DCK: variants seen among roughly 807,000 people sequenced by gnomAD.
The protein encoded by DCK is deoxycytidine kinase.
In DCK, 23 loss-of-function variants were observed where a neutral mutation model predicts 38.3. That is an observed-to-expected ratio of 0.60 (90% confidence interval 0.43 to 0.85). The LOEUF is 0.85. DCK is among the 40% of genes least tolerant of loss of function. DCK has a pLI of 0.00. For synonymous variants in DCK, 108 were observed against 100.6 expected (o/e 1.07, Z -0.44); for missense variants, 259 against 304.4 (o/e 0.85, Z 1.11).
rs1264308356 is a variant in DCK, at chr4:71,030,053, G to C, written c.*675G>C. ...TTTGCTTTGTAGTTTGCTTTGCTTT[G>C]TAGGGTTCTGCTTTTAAGTTTTTCT... On this transcript the variant is annotated 3_prime_UTR_variant, in exon 7 of 7. Coordinates refer to ENST00000286648, the MANE Select transcript of DCK (RefSeq NM_000788.3). The C allele has an allele frequency of 2.6e-5, 4 of 152,506 alleles. No homozygotes were observed. Among genetic ancestry groups the C allele is most frequent in the African/African-American group, 9.7e-5 (4 of 41,400 alleles). The allele number at this position is 152,506 out of a possible 1,614,324, so 9.4% of individuals were successfully genotyped here.
intron 2 of DCK, among the ~76,000 whole-genome samples, chr4:71,015,519 A>C (rs922205874): frequency 6.6e-6 from 1 of 152,240 alleles, no homozygotes; most frequent in Non-Finnish European, 1.5e-5. Flanking sequence ...ATGAACATCG[A>C]TGCAAAAATC....
Position 70,997,290 on chromosome 4 carries a change from C to T in DCK, c.92-777C>T, listed in dbSNP as rs142189814. Among the ~76,000 whole-genome samples, 251 of 152,262 alleles carry T rather than the reference C, an allele frequency of 1.6e-3. 3 individuals are homozygous for T. The highest frequency in any genetic ancestry group is 1.1e-3 in the Non-Finnish European group (72 of 68,020). On this transcript the variant is annotated intron_variant, in intron 1 of 6. Transcript: ENST00000286648. ...TTCTTTCTATATGCTTTCACTTCCA[C>T]TTAACATTCTTCTAAATGCTGTACA...
At chr4:71,028,675 C>A (rs771254483) in intron 6 of DCK, 5 of 444,272 alleles carry the variant, frequency 1.1e-5, no homozygotes, top group Non-Finnish European at 2.2e-5. Context: ...GGCTCACTGC[C>A]ATCTCCACCT....
At chr4:71,010,166 C>T (rs1285724169) in intron 2 of DCK, among the ~76,000 whole-genome samples, 3 of 135,336 alleles carry the variant, frequency 2.2e-5, no homozygotes, top group East Asian at 4.3e-4. Flanking sequence ...GCTGTTTTAG[C>T]TTTTTTTTTT....
intron 1 of DCK, among the ~76,000 whole-genome samples, chr4:70,994,358 T>C (rs1022829683): frequency 3.9e-5 from 6 of 152,216 alleles, no homozygotes; most frequent in Non-Finnish European, 7.3e-5. Context: ...CCTTAGAAAG[T>C]TCCTACCTGC....
At chr4:71,028,354 G>A (rs1740593311) in intron 6 of DCK, among the ~76,000 whole-genome samples, 1 of 152,168 alleles carries the variant, frequency 6.6e-6, no homozygotes, top group Admixed American at 6.5e-5. Flanking sequence ...CACTTTGGGA[G>A]GCTGAGGTGG....
intron 2 of DCK, among the ~76,000 whole-genome samples, chr4:71,013,968 T>C (rs1306307254): frequency 1.3e-5 from 2 of 151,980 alleles, no homozygotes; most frequent in Non-Finnish European, 2.9e-5. Context: ...GACTGGAAAA[T>C]TGGATAATTG....
At chr4:70,996,307 G>A (rs1739658367) in intron 1 of DCK, among the ~76,000 whole-genome samples, 1 of 152,102 alleles carries the variant, frequency 6.6e-6, no homozygotes, top group Non-Finnish European at 1.5e-5. Context: ...AGGCTGCCGT[G>A]AGCTGTGGTT....
chr4:71,022,699 A>G (rs1020761510), intron 3 of DCK, 139 bp downstream of exon 3: 10 of 473,074 alleles, frequency 2.1e-5, no homozygotes, highest in African/African-American at 2.0e-4. Context: ...TGACATTTAA[A>G]TCCCTCAGCA....
At chr4:71,008,707 G>A (rs1396961258) in intron 2 of DCK, among the ~76,000 whole-genome samples, 2 of 152,134 alleles carry the variant, frequency 1.3e-5, no homozygotes, top group Non-Finnish European at 2.9e-5. Context: ...TTTAAGGTCC[G>A]TTGACATATT....
At chr4:71,009,144 A>G (rs1043779365) in intron 2 of DCK, among the ~76,000 whole-genome samples, 2 of 152,216 alleles carry the variant, frequency 1.3e-5, no homozygotes, top group African/African-American at 2.4e-5. Context: ...AAAATTTCTC[A>G]TGTATTCCAT....
rs540874081 is a variant in DCK at position 71,016,837 on chromosome 4, A to T, written c.208-5530A>T. On this transcript the variant is annotated intron_variant, in intron 2 of 6. Transcript: ENST00000286648. ...CCTAAAACCATAAAAACCCTAGAAGAAAACCTAGGCAATACTATTTGGGAC... is the reference window on the plus strand; with the variant it reads ...CCTAAAACCATAAAAACCCTAGAAGTAAACCTAGGCAATACTATTTGGGAC... 9.8e-5 allele frequency among the ~76,000 whole-genome samples: 15 copies of T among 152,376 alleles called. No homozygotes were observed. The South Asian group carries it at 2.9e-3, about 29-fold the overall frequency.
chr4:71,015,393 AATCAAT>A (rs1740233581), intron 2 of DCK, among the ~76,000 whole-genome samples: 2 of 152,242 alleles, frequency 1.3e-5, no homozygotes, highest in Non-Finnish European at 2.9e-5. Flanking sequence ...AAACTATTCC[AATCAAT>A]AGAAAAAGAG....
At chr4:71,028,028 T>C (rs1740582650) in intron 6 of DCK, among the ~76,000 whole-genome samples, 2 of 152,228 alleles carry the variant, frequency 1.3e-5, no homozygotes, top group Admixed American at 1.3e-4. Context: ...GCCTAGAATA[T>C]GTAGAGAACA....
chr4:71,028,683 C>T (rs1740603959), intron 6 of DCK: 2 of 445,950 alleles, frequency 4.5e-6, no homozygotes, highest in Non-Finnish European at 9.0e-6. Flanking sequence ...GCCATCTCCA[C>T]CTCCCAGGTT....
intron 4 of DCK, 70 bp downstream of exon 4, chr4:71,023,776 TAATGAGGGC>T: frequency 6.9e-7 from 1 of 1,438,938 alleles, no homozygotes; most frequent in Non-Finnish European, 9.3e-7. Flanking sequence ...CAGTGGTATA[TAATGAGGGC>T]AATTTAGTTT....
In DCK at chr4:71,027,092, T is replaced by C. The variant is rs183955721; in HGVS notation, c.756+337T>C. 4.9e-3 allele frequency among the ~76,000 whole-genome samples: 743 copies of C among 152,076 alleles called. 11 individuals carry two copies. The highest frequency in any genetic ancestry group is 0.017 in the African/African-American group (717 of 41,536). On this transcript the variant is annotated intron_variant, in intron 6 of 6. Transcript: ENST00000286648. ...ATAACAAAAATTCTTTCTCACCCCC[T>C]TTTTCTCTGCTTTGTCCCCATTTCT... is the stretch of plus-strand genomic sequence containing the variant.
intron 2 of DCK, among the ~76,000 whole-genome samples, chr4:71,014,441 T>C (rs1308645405): frequency 2.0e-5 from 3 of 152,220 alleles, no homozygotes; most frequent in African/African-American, 4.8e-5. Flanking sequence ...TACAGAACTC[T>C]CCACCCCAAA....
chr4:71,004,888 G>A (rs1267304455), intron 2 of DCK, among the ~76,000 whole-genome samples: 1 of 152,112 alleles, frequency 6.6e-6, no homozygotes, highest in East Asian at 1.9e-4. Context: ...ATCTTAGCTT[G>A]CTGGGCTCCG....
Sources: allele counts gnomAD v4.1 joint callset (sites outside exome capture counted in the v4.1 genomes callset), GRCh38; gene constraint gnomAD v4.1.1; transcripts MANE v1.5; gene names NCBI Gene and HGNC (gene_info 2026-07-23, HGNC 2026-07-21).